The following TSGA10 variants were observed in gnomAD, a reference collection of about 807,000 sequenced individuals.
The protein encoded by TSGA10 is testis specific 10, also known as testis-specific gene 10 protein.
Under a neutral mutation model 96.6 loss-of-function variants are expected in TSGA10, and 43 were observed. The observed-to-expected ratio is 0.44, with a 90% CI of 0.35 to 0.57. TSGA10 has a LOEUF of 0.57. Ranked by LOEUF, TSGA10 falls within the 20% of genes least tolerant of loss-of-function variation. The pLI, the probability that TSGA10 is intolerant of heterozygous loss-of-function variation, is 0.01. For synonymous variants in TSGA10, 229 were observed against 269.9 expected, an observed-to-expected ratio of 0.85 and a Z score of 1.48; for missense variants, 703 against 834.4, an observed-to-expected ratio of 0.84 and a Z score of 1.94.
At chr2:99,014,789 G>A (rs906956866) in intron 20 of TSGA10, among the ~76,000 whole-genome samples, 1 of 152,062 alleles carries the variant, frequency 6.6e-6, no homozygotes, top group African/African-American at 2.4e-5. Flanking sequence ...TTAGCTCAAT[G>A]AGAAATGAAA....
intron 20 of TSGA10, among the ~76,000 whole-genome samples, chr2:99,000,678 A>T (rs1022691082): frequency 6.6e-6 from 1 of 152,172 alleles, no homozygotes; most frequent in Non-Finnish European, 1.5e-5. Flanking sequence ...CAGCCCACAG[A>T]GTGTGAGCCA....
At chr2:99,051,021 T>C (rs548989808) in intron 16 of TSGA10, among the ~76,000 whole-genome samples, 13 of 152,288 alleles carry the variant, frequency 8.5e-5, no homozygotes, top group East Asian at 3.9e-4. Flanking sequence ...CTATTCCATA[T>C]AGCCTAGGTG....
At position 99,118,698 on chromosome 2, in the gene TSGA10, A is replaced by C. The variant is rs2092413847; in HGVS notation, c.-491-12T>G. The C allele has an allele frequency of 1.0e-6, 1 of 983,756 alleles. No individual in the cohort carries two copies. Among genetic ancestry groups the C allele is most frequent in the Admixed American group, 6.2e-5 (1 of 16,234 alleles). 60.9% of individuals were successfully genotyped at this position (983,756 alleles called of 1,614,324 possible). A position where few individuals can be genotyped will look rare whatever the true frequency, so the allele number is the denominator to read the frequency against. On this transcript the variant is annotated splice_polypyrimidine_tract_variant and intron_variant, in intron 2 of 20. Transcript: ENST00000393483. The stretch of plus-strand genomic sequence containing the variant: ...AGGTATCCAAATGCCTTTAAAGGAA[A>C]AAAAAAATTAGACCCATTGAACAAT...
At chr2:99,126,587 A>G (rs2092835670) in intron 2 of TSGA10, 1 of 152,936 alleles carries the variant, frequency 6.5e-6, no homozygotes, top group African/African-American at 2.4e-5. Flanking sequence ...ATCTCTTTTA[A>G]TAGCCTTTAT....
intron 1 of TSGA10, among the ~76,000 whole-genome samples, chr2:99,128,118 C>G (rs978287027): frequency 2.0e-5 from 3 of 152,192 alleles, no homozygotes; most frequent in Non-Finnish European, 4.4e-5. Context: ...CAAAACACAG[C>G]TGCTGTTCTC....
At chr2:99,019,667 G>A (rs750639142) in intron 18 of TSGA10, among the ~76,000 whole-genome samples, 2 of 152,152 alleles carry the variant, frequency 1.3e-5, no homozygotes, top group African/African-American at 2.4e-5. Context: ...AAGAACAGGG[G>A]TTAAGGGTCC....
intron 20 of TSGA10, among the ~76,000 whole-genome samples, chr2:99,011,801 G>C (rs2079032895): frequency 6.6e-6 from 1 of 152,098 alleles, no homozygotes; most frequent in African/African-American, 2.4e-5. Flanking sequence ...TAAAGGGTTT[G>C]GAGATCTAGA....
At chr2:99,049,126 TTGG>T (rs1434944560) in intron 16 of TSGA10, among the ~76,000 whole-genome samples, 2 of 152,306 alleles carry the variant, frequency 1.3e-5, no homozygotes, top group Non-Finnish European at 2.9e-5. Flanking sequence ...TTTTACACTG[TTGG>T]TGGGAGTGTA....
chr2:99,055,923 G>A (rs2083932626), intron 16 of TSGA10, among the ~76,000 whole-genome samples: 2 of 151,318 alleles, frequency 1.3e-5, no homozygotes, highest in African/African-American at 4.9e-5. Flanking sequence ...ACAATAGTCG[G>A]CCAGGCGCGG....
chr2:99,104,505 C>T (rs548731708), intron 9 of TSGA10, among the ~76,000 whole-genome samples: 5 of 149,992 alleles, frequency 3.3e-5, no homozygotes, highest in Admixed American at 1.3e-4. Context: ...GACAGAGTAT[C>T]GCTCCATCGC....
rs377513327 is a variant in TSGA10, at chr2:99,124,515, T to G, written c.-492+2533A>C. 7.2e-5 allele frequency among the ~76,000 whole-genome samples: 11 copies of G among 152,328 alleles called. No homozygotes were observed. In the South Asian group the frequency reaches 2.3e-3, roughly 32 times the overall value. On this transcript the variant is annotated intron_variant, in intron 2 of 20. Coordinates refer to ENST00000393483, the MANE Select transcript of TSGA10 (RefSeq NM_025244.4). ...CCTCTCTCTCTTCCTCAACACAGTT[T>G]CCTCTATTATTTACATTTTGTATTA...
intron 1 of TSGA10, chr2:99,150,511 C>T (rs1574778359): frequency 1.3e-6 from 2 of 1,572,286 alleles, no homozygotes; most frequent in Non-Finnish European, 1.7e-6. Context: ...ACTTCCACTA[C>T]TTAAAAAGGT....
chr2:99,033,765 G>A (rs576890216), intron 17 of TSGA10, among the ~76,000 whole-genome samples: 31 of 152,186 alleles, frequency 2.0e-4, no homozygotes, highest in South Asian at 1.2e-3. Context: ...GTTTGAACCC[G>A]GGAGGCGGAG....
At chr2:99,152,884 C>G (rs1329045304) in intron 1 of TSGA10, among the ~76,000 whole-genome samples, 2 of 151,946 alleles carry the variant, frequency 1.3e-5, no homozygotes, top group Non-Finnish European at 2.9e-5. Flanking sequence ...TTTAGACTTA[C>G]CAGGTTTACA....
At chr2:99,085,609 TAAAAAAAAAA>T (rs200309936) in intron 10 of TSGA10, among the ~76,000 whole-genome samples, 6 of 52,470 alleles carry the variant, frequency 1.1e-4, no homozygotes, top group East Asian at 8.2e-4. Context: ...ATCCTGTCTT[TAAAAAAAAAA>T]AAAAAAAAAA....
At chr2:99,035,534 G>T in intron 16 of TSGA10, 95 bp from the exon 17 acceptor site, 1 of 743,168 alleles carries the variant, frequency 1.3e-6, no homozygotes, top group Non-Finnish European at 2.1e-6. Context: ...AAATCTAAGA[G>T]TAGTGCACTT....
chr2:99,121,985 C>A (rs559464594), intron 2 of TSGA10, among the ~76,000 whole-genome samples: 1 of 152,200 alleles, frequency 6.6e-6, no homozygotes, highest in South Asian at 2.1e-4. Context: ...TAACTGTTTT[C>A]CCTGTATCTA....
rs997385974 is a variant in TSGA10, at chr2:99,044,173, TAAC to T, written c.1405-8737_1405-8735del. ...ATAATGACAGGATCGAATTCACACATAACAATATTAACCTTAAATGTAACTGGG... is the reference window on the plus strand; with the variant it reads ...ATAATGACAGGATCGAATTCACACATAATATTAACCTTAAATGTAACTGGG... On this transcript the variant is annotated intron_variant, in intron 16 of 20. Transcript: ENST00000393483. 5.5e-4 allele frequency among the ~76,000 whole-genome samples: 84 copies of T among 152,138 alleles called. 1 individual carries two copies. The highest frequency in any genetic ancestry group is 4.6e-3 in the Admixed American group (70 of 15,272).
Position 99,048,511 on chromosome 2 carries a change from A to G in TSGA10, c.1405-13072T>C, listed in dbSNP as rs531605155. On this transcript the variant is annotated intron_variant, in intron 16 of 20. Transcript: ENST00000393483. ...TTCCCTATTTCATAAATGGTGTTGGAAAAACTGGCTAGCCATATGCAGAAA... is the reference window on the plus strand; with the variant it reads ...TTCCCTATTTCATAAATGGTGTTGGGAAAACTGGCTAGCCATATGCAGAAA... Among the ~76,000 whole-genome samples, 13 of 152,282 alleles carry G rather than the reference A, an allele frequency of 8.5e-5. No individual in the cohort carries two copies. The South Asian group carries it at 2.7e-3, about 32-fold the overall frequency.
Sources: allele counts gnomAD v4.1 joint callset (sites outside exome capture counted in the v4.1 genomes callset), GRCh38; gene constraint gnomAD v4.1.1; transcripts MANE v1.5; gene names NCBI Gene and HGNC (gene_info 2026-07-23, HGNC 2026-07-21).